The following CASTOR2 variants were observed in gnomAD, a reference collection of about 807,000 sequenced individuals.
The protein encoded by CASTOR2 is cytosolic arginine sensor for mTORC1 subunit 2.
CASTOR2 carries 8 observed loss-of-function variants against 31.2 expected under a neutral mutation model. The observed-to-expected ratio is 0.26, with a 90% CI of 0.15 to 0.46. CASTOR2 has a LOEUF of 0.46. Among genes scored for constraint, CASTOR2 ranks in the 20% least tolerant of loss-of-function variants. The pLI, the probability that CASTOR2 is intolerant of heterozygous loss-of-function variation, is 0.99. For synonymous variants in CASTOR2, 162 were observed against 158.7 expected (o/e 1.02, Z -0.16); for missense variants, 216 against 382.1 (o/e 0.57, Z 3.62).
rs1198788744 is a variant in CASTOR2 at position 74,964,720 on chromosome 7, C to G, written c.-266C>G. 8.9e-6 allele frequency: 1 copy of G among 111,780 alleles called. No homozygotes were observed. The highest frequency in any genetic ancestry group is 3.3e-5 in the African/African-American group (1 of 30,432). 6.9% of individuals were successfully genotyped at this position (111,780 alleles called of 1,614,324 possible). A position where few individuals can be genotyped will look rare whatever the true frequency, so the allele number is the denominator to read the frequency against. On this transcript the variant is annotated 5_prime_UTR_variant, in exon 1 of 9. Transcript: ENST00000616305. ...AGCGAACACCAGCTGCTCCCCGCGC[C>G]GGGCGCCGCGCGCCGCTGCTCCGCC...
chr7:74,979,596 T>A (rs2131920519), intron 1 of CASTOR2, among the ~76,000 whole-genome samples: 1 of 44,946 alleles, frequency 2.2e-5, no homozygotes, highest in African/African-American at 1.0e-4. Flanking sequence ...TTTCACCATG[T>A]AGGCCAGGCT....
chr7:75,024,948 C>T lies in CASTOR2; in HGVS notation c.*249C>T, dbSNP rs896121106. The T allele has an allele frequency of 4.0e-4, 348 of 869,136 alleles. 2 individuals carry two copies. The South Asian group carries it at 5.9e-3, about 15-fold the overall frequency. The allele number at this position is 869,136 out of a possible 1,614,324, so 53.8% of individuals were successfully genotyped here. ...CGACCTTTCTCTTCCCTACCTCCCC[C>T]ACCCCGGAAAATGCTTTCGGAGGCC... On this transcript the variant is annotated 3_prime_UTR_variant, in exon 9 of 9. Transcript: ENST00000616305.
Position 75,018,136 on chromosome 7 carries a change from G to A in CASTOR2, c.511+14G>A, listed in dbSNP as rs1169788454. 31 of 1,612,944 alleles carry A rather than the reference G, an allele frequency of 1.9e-5. No homozygotes were observed. Among genetic ancestry groups the A allele is most frequent in the Non-Finnish European group, 2.5e-5 (29 of 1,179,424 alleles). On this transcript the variant is annotated intron_variant, in intron 4 of 8. Transcript: ENST00000616305. ...AGCCCAAGCTGGGTGAGCTGGGGGCGGGGGTTTGTGCAGGGGAAACCTCAC... is the reference window on the plus strand; with the variant it reads ...AGCCCAAGCTGGGTGAGCTGGGGGCAGGGGTTTGTGCAGGGGAAACCTCAC...
In CASTOR2 at chr7:75,030,655, T is replaced by C. The variant is rs1016555098; in HGVS notation, c.*5956T>C. 5.4e-4 allele frequency among the ~76,000 whole-genome samples: 82 copies of C among 152,272 alleles called. 1 individual carries two copies. The highest frequency in any genetic ancestry group is 2.2e-3 in the Admixed American group (34 of 15,296). On this transcript the variant is annotated 3_prime_UTR_variant, in exon 9 of 9. Transcript: ENST00000616305. ...CAACCCACAGGGCTGCTTGAGTGTC[T>C]TCACAATATGGCGCTCGGCTTCCCC...
rs1434915446 is a variant in CASTOR2, at chr7:75,016,545, A to G, written c.185-1053A>G. ...GTGCAGGGCTGGCTGAAGGGGGAAGAGAAACCCCAAAGCCCCACCCAGCCT... is the reference window on the plus strand; with the variant it reads ...GTGCAGGGCTGGCTGAAGGGGGAAGGGAAACCCCAAAGCCCCACCCAGCCT... On this transcript the variant is annotated intron_variant, in intron 2 of 8. Coordinates refer to ENST00000616305, the MANE Select transcript of CASTOR2 (RefSeq NM_001145064.3). 4.6e-5 allele frequency among the ~76,000 whole-genome samples: 7 copies of G among 152,164 alleles called. No homozygotes were observed. In the East Asian group the frequency reaches 1.3e-3, roughly 29 times the overall value.
At chr7:75,004,040 C>T (rs1804555608) in intron 1 of CASTOR2, among the ~76,000 whole-genome samples, 1 of 152,274 alleles carries the variant, frequency 6.6e-6, no homozygotes, top group East Asian at 1.9e-4. Flanking sequence ...TCTGGAGTGT[C>T]CCTCAGAGCC....
intron 1 of CASTOR2, among the ~76,000 whole-genome samples, chr7:74,981,682 C>T (rs1222487872): frequency 6.6e-6 from 1 of 151,490 alleles, no homozygotes; most frequent in Non-Finnish European, 1.5e-5. Context: ...CTACCTTGGC[C>T]TCCTAAAGTG....
At chr7:75,024,409 C>T (rs1248758095) in intron 7 of CASTOR2, 31 bp from the exon 8 acceptor site, 3 of 1,550,236 alleles carry the variant, frequency 1.9e-6, no homozygotes, top group Middle Eastern at 1.7e-4. Context: ...CCAGGTTACA[C>T]AGAGGCTAAG....
intron 1 of CASTOR2, among the ~76,000 whole-genome samples, chr7:74,985,608 A>AAAAAG (rs1415315389): frequency 6.7e-6 from 1 of 150,054 alleles, no homozygotes; most frequent in Non-Finnish European, 1.5e-5. Context: ...AAAAAAAAAA[A>AAAAAG]GAATCATTGT....
At position 75,021,936 on chromosome 7, in the gene CASTOR2, G is replaced by A; in HGVS notation, c.809G>A (p.Gly270Glu). ...SGELWKMVRI[G>E]GQPLGFDECG... The stretch of plus-strand genomic sequence containing the variant: ...GAGCTCTGGAAGATGGTCCGGATTG[G>A]AGGACAGCCCCTGGGGTTTGGTGAG... Residue 270 changes from glycine (G) to glutamate (E), a missense_variant, in exon 7 of 9, where the codon GGA (glycine) becomes GAA (glutamate). Coordinates refer to ENST00000616305, the MANE Select transcript of CASTOR2 (RefSeq NM_001145064.3). 1.3e-6 allele frequency: 2 copies of A among 1,551,794 alleles called. No individual in the cohort carries two copies. The highest frequency in any genetic ancestry group is 8.7e-7 in the Non-Finnish European group (1 of 1,146,896).
intron 1 of CASTOR2, among the ~76,000 whole-genome samples, chr7:74,984,419 G>A (rs1322766278): frequency 7.9e-5 from 12 of 152,150 alleles, no homozygotes; most frequent in Non-Finnish European, 1.6e-4. Context: ...TGGGACCCTC[G>A]CCATGTGACC....
At position 75,031,299 on chromosome 7, in the gene CASTOR2, CCAG is replaced by C. The variant is rs1406243800; in HGVS notation, c.*6611_*6613del. 4.6e-5 allele frequency among the ~76,000 whole-genome samples: 7 copies of C among 152,092 alleles called. No individual in the cohort carries two copies. The highest frequency in any genetic ancestry group is 8.8e-5 in the Non-Finnish European group (6 of 68,002). The stretch of plus-strand genomic sequence containing the variant: ...ACCCTCACCTGGCGTGCCCGGGTCA[CCAG>C]CAGCAGCAGCGGCGTTCCATCGCTC... On this transcript the variant is annotated 3_prime_UTR_variant, in exon 9 of 9. Coordinates refer to ENST00000616305, the MANE Select transcript of CASTOR2 (RefSeq NM_001145064.3).
At chr7:75,015,201 G>A (rs1804839333) in intron 2 of CASTOR2, among the ~76,000 whole-genome samples, 3 of 152,218 alleles carry the variant, frequency 2.0e-5, no homozygotes, top group African/African-American at 7.2e-5. Flanking sequence ...AGCCCAGCTC[G>A]TCTTTCCCCA....
intron 1 of CASTOR2, among the ~76,000 whole-genome samples, chr7:74,997,972 GAAC>G (rs1254540875): frequency 6.6e-6 from 1 of 152,056 alleles, no homozygotes; most frequent in East Asian, 1.9e-4. Flanking sequence ...TTGTTACTGA[GAAC>G]AGGCTGTCAC....
chr7:74,985,771 G>A (rs2131925286), intron 1 of CASTOR2, among the ~76,000 whole-genome samples: 2 of 152,070 alleles, frequency 1.3e-5, no homozygotes, highest in East Asian at 3.9e-4. Context: ...GGGTTAGATG[G>A]CATCACGGAC....
At chr7:75,011,586 A>G (rs1457824177) in intron 2 of CASTOR2, among the ~76,000 whole-genome samples, 1 of 151,112 alleles carries the variant, frequency 6.6e-6, no homozygotes, top group Non-Finnish European at 1.5e-5. Context: ...TACAAAAAAA[A>G]TTTGCCAGGC....
rs1183452005 is a variant in CASTOR2 at position 75,024,761 on chromosome 7, C to T, written c.*62C>T. 6.4e-7 allele frequency: 1 copy of T among 1,551,438 alleles called. No individual in the cohort carries two copies. The highest frequency in any genetic ancestry group is 8.7e-7 in the Non-Finnish European group (1 of 1,146,814). On this transcript the variant is annotated 3_prime_UTR_variant, in exon 9 of 9. Transcript: ENST00000616305. ...CCCAGCCCTAACCCTGAAGATTGAT[C>T]TTGCAGTATTTCTCTACAGACTGGA...
At chr7:75,013,370 C>T (rs1167583530) in intron 2 of CASTOR2, among the ~76,000 whole-genome samples, 3 of 152,146 alleles carry the variant, frequency 2.0e-5, no homozygotes, top group African/African-American at 7.2e-5. Flanking sequence ...TTGGTCTGAG[C>T]ACAGTGGCTC....
chr7:75,011,461 G>A (rs1185579213), intron 2 of CASTOR2, among the ~76,000 whole-genome samples: 2 of 148,706 alleles, frequency 1.3e-5, no homozygotes, highest in Non-Finnish European at 3.0e-5. Context: ...GAGGCCGGGC[G>A]CGGTGGCTCA....
Sources: allele counts gnomAD v4.1 joint callset (sites outside exome capture counted in the v4.1 genomes callset), GRCh38; gene constraint gnomAD v4.1.1; transcripts MANE v1.5; gene names NCBI Gene and HGNC (gene_info 2026-07-23, HGNC 2026-07-21).